MFF: variants seen among roughly 807,000 people sequenced by gnomAD.
MFF encodes the protein chromosome 2 open reading frame 33.
In MFF, 12 loss-of-function variants were observed where a neutral mutation model predicts 36.9. That is an observed-to-expected ratio of 0.33 (90% confidence interval 0.21 to 0.53). The LOEUF (loss-of-function observed/expected upper bound fraction) is 0.53. Ranked by LOEUF, MFF falls within the 20% of genes least tolerant of loss-of-function variation. The pLI is 0.95. For missense variants in MFF, 348 were observed against 366.6 expected, an observed-to-expected ratio of 0.95 and a Z score of 0.42; for synonymous variants, 99 against 126.2, an observed-to-expected ratio of 0.78 and a Z score of 1.44.
At chr2:227,333,497 C>T (rs917686477) in intron 4 of MFF, among the ~76,000 whole-genome samples, 3 of 152,138 alleles carry the variant, frequency 2.0e-5, no homozygotes, top group Non-Finnish European at 2.9e-5. Context: ...ATTTAACAAA[C>T]ATTTTTTAAC....
chr2:227,346,295 C>T (rs1326774688), intron 5 of MFF: 1 of 167,050 alleles, frequency 6.0e-6, no homozygotes. Context: ...ATGTTGAGCC[C>T]TCATTCCACT....
intron 6 of MFF, among the ~76,000 whole-genome samples, chr2:227,351,475 A>G (rs1055698300): frequency 6.6e-6 from 1 of 151,954 alleles, no homozygotes; most frequent in Non-Finnish European, 1.5e-5. Context: ...TTAAACATTT[A>G]CCATTATATA....
intron 7 of MFF, among the ~76,000 whole-genome samples, chr2:227,353,877 G>T (rs374553703): frequency 6.6e-6 from 1 of 152,178 alleles, no homozygotes; most frequent in Non-Finnish European, 1.5e-5. Context: ...GCTTCTGTTT[G>T]ATTTTTTTCC....
In MFF at chr2:227,330,640, C is replaced by G; in HGVS notation, c.-26C>G. 1.2e-6 allele frequency: 2 copies of G among 1,613,744 alleles called. No homozygotes were observed. Among genetic ancestry groups the G allele is most frequent in the Non-Finnish European group, 1.7e-6 (2 of 1,179,650 alleles). ...TTCTCCCACAGGGTGAGCAGGGCAG[C>G]ATTTCCTTCTCCCACTGCTGCTGAG... On this transcript the variant is annotated 5_prime_UTR_variant, in exon 3 of 9. Transcript: ENST00000304593.
intron 3 of MFF, 119 bp downstream of exon 3, chr2:227,330,965 C>T: frequency 1.3e-6 from 1 of 762,126 alleles, no homozygotes; most frequent in Non-Finnish European, 2.1e-6. Context: ...CAACTTTATA[C>T]TTTTGAAATT....
At chr2:227,329,887 G>A in intron 2 of MFF, 1 of 700,552 alleles carries the variant, frequency 1.4e-6, no homozygotes, top group Non-Finnish European at 2.4e-6. Flanking sequence ...ATTTTTATCA[G>A]CTTTTGTATT....
chr2:227,351,287 T>TGAATC (rs1290687860), intron 6 of MFF, among the ~76,000 whole-genome samples: 2 of 152,208 alleles, frequency 1.3e-5, no homozygotes, highest in African/African-American at 4.8e-5. Context: ...AAAAAGTCTC[T>TGAATC]GAATCCCTTA....
chr2:227,349,194 A>C lies in MFF; in HGVS notation c.599+1810A>C, dbSNP rs563666947. Among the ~76,000 whole-genome samples the C allele has an allele frequency of 2.6e-5, 4 of 152,216 alleles. No homozygotes were observed. In the South Asian group the frequency reaches 8.3e-4, roughly 32 times the overall value. ...CCCAAAAAGTAAAAAAAGAAAAAAA[A>C]TTATTTGTCCCAATTCCCCCTCACC... On this transcript the variant is annotated intron_variant, in intron 6 of 8. Coordinates refer to ENST00000304593, the MANE Select transcript of MFF (RefSeq NM_001277062.2).
chr2:227,338,329 A>G (rs1043083183), intron 4 of MFF, among the ~76,000 whole-genome samples: 1 of 147,272 alleles, frequency 6.8e-6, no homozygotes, highest in African/African-American at 2.5e-5. Flanking sequence ...AAATAGCACC[A>G]TTGCACTCCA....
intron 6 of MFF, among the ~76,000 whole-genome samples, chr2:227,348,914 C>G (rs987432727): frequency 1.1e-4 from 16 of 151,980 alleles, no homozygotes; most frequent in African/African-American, 3.9e-4. Flanking sequence ...TATAAAGTAG[C>G]TGGCACTTAA....
At chr2:227,355,577 C>T in intron 7 of MFF, 100 bp from the exon 8 acceptor site, 1 of 589,160 alleles carries the variant, frequency 1.7e-6, no homozygotes. Context: ...TACCAATTTT[C>T]TGAATACTAC....
At chr2:227,342,039 C>T (rs1574949756) in intron 5 of MFF, among the ~76,000 whole-genome samples, 1 of 151,924 alleles carries the variant, frequency 6.6e-6, no homozygotes, top group Non-Finnish European at 1.5e-5. Flanking sequence ...AACATAAGTT[C>T]CTCATAACAG....
rs1189032541 is a variant in MFF at position 227,331,968 on chromosome 2, T to A, written c.182-451T>A. 2.9e-4 allele frequency among the ~76,000 whole-genome samples: 36 copies of A among 123,990 alleles called. 1 individual carries two copies. The highest frequency in any genetic ancestry group is 5.2e-4 in the African/African-American group (16 of 30,666). The allele number at this position is 123,990 out of a possible 152,430, so 81.3% of individuals were successfully genotyped here. A position where few individuals can be genotyped will look rare whatever the true frequency, so the allele number is the denominator to read the frequency against. The stretch of plus-strand genomic sequence containing the variant: ...TCAATACGCTGGAAGCATTTTTTTT[T>A]TTTTTTTTTTTTTTTTTTTTTGAGA... On this transcript the variant is annotated intron_variant, in intron 3 of 8. Coordinates refer to ENST00000304593, the MANE Select transcript of MFF (RefSeq NM_001277062.2).
chr2:227,336,271 C>G (rs2074998378), intron 4 of MFF, among the ~76,000 whole-genome samples: 1 of 152,182 alleles, frequency 6.6e-6, no homozygotes, highest in African/African-American at 2.4e-5. Context: ...ACAATAAACC[C>G]TAAGAGCTTT....
intron 8 of MFF, 74 bp from the exon 9 acceptor site, chr2:227,356,912 C>A: frequency 8.4e-7 from 1 of 1,187,940 alleles, no homozygotes; most frequent in Non-Finnish European, 1.2e-6. Flanking sequence ...ATACTACTTA[C>A]TTTATAAGAA....
intron 4 of MFF, among the ~76,000 whole-genome samples, chr2:227,336,761 A>G (rs541348105): frequency 6.6e-6 from 1 of 152,384 alleles, no homozygotes; most frequent in African/African-American, 2.4e-5. Context: ...CACAAAAGCC[A>G]TGAATGTCTA....
intron 4 of MFF, among the ~76,000 whole-genome samples, chr2:227,334,723 A>C (rs1046617597): frequency 6.6e-6 from 1 of 152,206 alleles, no homozygotes; most frequent in South Asian, 2.1e-4. Flanking sequence ...TGTGATCTCT[A>C]TCTACAAGAT....
intron 6 of MFF, among the ~76,000 whole-genome samples, chr2:227,349,834 C>T (rs995464847): frequency 7.2e-5 from 11 of 152,092 alleles, no homozygotes; most frequent in Non-Finnish European, 1.0e-4. Flanking sequence ...CTCTGTAGAT[C>T]ATTTTTTCTT....
Position 227,357,143 on chromosome 2 carries a change from T to C in MFF, c.*26T>C, listed in dbSNP as rs756733946. The C allele has an allele frequency of 7.5e-6, 12 of 1,601,604 alleles. No individual in the cohort carries two copies. The highest frequency in any genetic ancestry group is 1.0e-5 in the Non-Finnish European group (12 of 1,176,316). ...AGGTAACATCAGCCCTCAAAAATAC[T>C]GTCTCAACAGCTGGAAATATAAAAG... On this transcript the variant is annotated 3_prime_UTR_variant, in exon 9 of 9. Transcript: ENST00000304593.
Sources: allele counts gnomAD v4.1 joint callset (sites outside exome capture counted in the v4.1 genomes callset), GRCh38; gene constraint gnomAD v4.1.1; transcripts MANE v1.5; gene names NCBI Gene and HGNC (gene_info 2026-07-23, HGNC 2026-07-21).